The following LARGE1 variants were observed in gnomAD, a reference collection of about 807,000 sequenced individuals.
The protein encoded by LARGE1 is xylosyl- and glucuronyltransferase LARGE1.
Under a neutral mutation model 87.6 loss-of-function variants are expected in LARGE1, and 43 were observed. That is an observed-to-expected ratio of 0.49 (90% CI 0.38 to 0.63). LARGE1 has a LOEUF of 0.63. LARGE1 is among the 30% of genes least tolerant of loss of function. LARGE1 has a pLI of 0.00. For missense variants in LARGE1, 802 were observed against 1,000.2 expected (o/e 0.80, Z 2.67); for synonymous variants, 434 against 394.6 (o/e 1.10, Z -1.18).
the LARGE1 span, among the ~76,000 whole-genome samples, chr22:33,146,888 C>T: frequency 6.6e-6 from 1 of 152,184 alleles, no homozygotes; most frequent in Non-Finnish European, 1.5e-5. Flanking sequence ...CCCCTGTGTC[C>T]TTCCAGTCTA....
chr22:33,376,884 G>A (rs918970208), intron 9 of LARGE1, among the ~76,000 whole-genome samples: 4 of 152,152 alleles, frequency 2.6e-5, no homozygotes, highest in African/African-American at 9.7e-5. Context: ...ACTCCAAGTA[G>A]ACAGACGAGG....
At chr22:33,730,809 C>T (rs2083440158) in intron 2 of LARGE1, among the ~76,000 whole-genome samples, 1 of 151,976 alleles carries the variant, frequency 6.6e-6, no homozygotes, top group Admixed American at 6.5e-5. Flanking sequence ...TCTTTTGCCT[C>T]AGCCTCCCAA....
At chr22:33,396,436 A>C (rs1164315140) in intron 7 of LARGE1, among the ~76,000 whole-genome samples, 1 of 150,550 alleles carries the variant, frequency 6.6e-6, no homozygotes, top group Non-Finnish European at 1.5e-5. Context: ...TGAGAGAGAA[A>C]GACAGAGTGA....
chr22:33,166,925 A>G, intron 11 of LARGE1: 1 of 456,974 alleles, frequency 2.2e-6, no homozygotes, highest in South Asian at 1.6e-5. Context: ...GTAACCACAC[A>G]CTTCAATTCC....
chr22:33,124,257 C>T, the LARGE1 span, among the ~76,000 whole-genome samples: 2 of 151,282 alleles, frequency 1.3e-5, no homozygotes, highest in Non-Finnish European at 2.9e-5. Context: ...GAGCCAAGAT[C>T]GCACCACTGC....
At chr22:33,120,360 TTCTTTCTTTC>T in the LARGE1 span, among the ~76,000 whole-genome samples, 1 of 81,004 alleles carries the variant, frequency 1.2e-5, no homozygotes, top group Non-Finnish European at 2.3e-5. Flanking sequence ...TTCTTTCTTT[TTCTTTCTTTC>T]TTTCTTTCTT....
intron 9 of LARGE1, among the ~76,000 whole-genome samples, chr22:33,345,035 A>C (rs1939599971): frequency 2.0e-5 from 3 of 152,214 alleles, no homozygotes; most frequent in Non-Finnish European, 4.4e-5. Context: ...ATTGTGATGA[A>C]AATCTGTGAT....
intron 5 of LARGE1, among the ~76,000 whole-genome samples, chr22:33,576,023 T>C (rs569447082): frequency 2.0e-5 from 3 of 152,326 alleles, no homozygotes; most frequent in African/African-American, 7.2e-5. Context: ...AGTGGCTTAA[T>C]TTCCTGAAAT....
At chr22:33,725,712 A>G (rs1015886885) in intron 2 of LARGE1, 3 of 152,226 alleles carry the variant, frequency 2.0e-5, no homozygotes, top group African/African-American at 7.2e-5. Context: ...TCAGGCTTAC[A>G]TTTTCCACTT....
the LARGE1 span, among the ~76,000 whole-genome samples, chr22:33,120,366 C>CTTTCTT: frequency 9.3e-5 from 13 of 139,894 alleles, no homozygotes; most frequent in Non-Finnish European, 9.3e-5. Flanking sequence ...CTTTTTCTTT[C>CTTTCTT]TTTCTTTCTT....
At chr22:33,879,540 T>G (rs935598151) in intron 1 of LARGE1, among the ~76,000 whole-genome samples, 5 of 152,194 alleles carry the variant, frequency 3.3e-5, no homozygotes, top group Non-Finnish European at 5.9e-5. Context: ...AATCCACCCT[T>G]CATTTTAGGC....
chr22:33,351,302 C>T (rs1038567743), intron 9 of LARGE1, among the ~76,000 whole-genome samples: 2 of 152,146 alleles, frequency 1.3e-5, no homozygotes, highest in Admixed American at 6.5e-5. Flanking sequence ...ATGTGAGCAC[C>T]CATATGTAGC....
At chr22:33,905,204 C>T (rs2065410159) in intron 1 of LARGE1, among the ~76,000 whole-genome samples, 3 of 151,830 alleles carry the variant, frequency 2.0e-5, no homozygotes, top group Middle Eastern at 6.8e-3. Context: ...GATGGGACCA[C>T]AGGCATGCAC....
chr22:33,787,860 G>T (rs2085700034), intron 1 of LARGE1, among the ~76,000 whole-genome samples: 1 of 152,196 alleles, frequency 6.6e-6, no homozygotes, highest in Non-Finnish European at 1.5e-5. Context: ...ACATGGTTTA[G>T]TTCCTGTGGT....
chr22:33,212,353 T>C (rs1925005301), intron 11 of LARGE1, among the ~76,000 whole-genome samples: 1 of 152,214 alleles, frequency 6.6e-6, no homozygotes, highest in Admixed American at 6.5e-5. Context: ...CTGTGCTTTA[T>C]AAATGGAACA....
intron 1 of LARGE1, among the ~76,000 whole-genome samples, chr22:33,860,312 C>T (rs1351490382): frequency 1.3e-5 from 2 of 151,978 alleles, no homozygotes; most frequent in East Asian, 1.9e-4. Flanking sequence ...TTTTTTAAAT[C>T]GAGAAGCTGA....
intron 6 of LARGE1, among the ~76,000 whole-genome samples, chr22:33,524,221 G>A (rs1293425118): frequency 6.6e-6 from 1 of 150,954 alleles, no homozygotes; most frequent in African/African-American, 2.4e-5. Flanking sequence ...AACCCAGGAG[G>A]CAGAGGTTGC....
chr22:33,280,791 G>A (rs1930294703), intron 13 of LARGE1, among the ~76,000 whole-genome samples: 1 of 152,222 alleles, frequency 6.6e-6, no homozygotes, highest in Non-Finnish European at 1.5e-5. Flanking sequence ...GGGGAGAAGA[G>A]ATTTGGGGCA....
At chr22:33,502,040 C>A (rs1183771709) in intron 6 of LARGE1, among the ~76,000 whole-genome samples, 1 of 151,872 alleles carries the variant, frequency 6.6e-6, no homozygotes, top group Non-Finnish European at 1.5e-5. Flanking sequence ...ATTAAAAACA[C>A]AAAAAATTAG....
Sources: allele counts gnomAD v4.1 joint callset (sites outside exome capture counted in the v4.1 genomes callset), GRCh38; gene constraint gnomAD v4.1.1; transcripts MANE v1.5; gene names NCBI Gene and HGNC (gene_info 2026-07-23, HGNC 2026-07-21).